The following FYB1 variants were observed in gnomAD, a reference collection of about 807,000 sequenced individuals.
The protein encoded by FYB1 is FYN binding protein 1.
FYB1 carries 41 observed loss-of-function variants against 94.1 expected under a neutral mutation model. The observed-to-expected ratio is 0.44, with a 90% confidence interval of 0.34 to 0.57. The LOEUF is 0.57. Ranked by LOEUF, FYB1 falls within the 20% of genes least tolerant of loss-of-function variation. FYB1 has a pLI of 0.02. For synonymous variants in FYB1, 367 were observed against 353.2 expected (o/e 1.04, Z -0.44); for missense variants, 1,050 against 976.8 (o/e 1.07, Z -1.00).
rs193209674 is a variant in FYB1 at position 39,242,668 on chromosome 5, C to T, written c.-28+31735G>A. Among the ~76,000 whole-genome samples, 1,166 of 152,198 alleles carry T rather than the reference C, an allele frequency of 7.7e-3. 25 individuals are homozygous for T. Among genetic ancestry groups the T allele is most frequent in the African/African-American group, 0.027 (1,106 of 41,494 alleles). ...GGGTATATACCCAGTAATGGGATGG[C>T]TGGGTCAAATGGTATTTCCAGTTCT... On this transcript the variant is annotated intron_variant, in intron 1 of 1. Transcript: ENST00000510188.
intron 1 of FYB1, chr5:39,269,888 T>C (rs529972983): frequency 5.9e-5 from 9 of 152,158 alleles, no homozygotes; most frequent in African/African-American, 1.9e-4. Context: ...GAACACCACA[T>C]ATATTTTGGG....
rs7725991 is a variant in FYB1, at chr5:39,137,851, G to T, written c.1395-131C>A. 0.011 allele frequency: 13,665 copies of T among 1,224,046 alleles called. 1,199 individuals carry two copies. The African/African-American group carries it at 0.19, about 17-fold the overall frequency. The allele number at this position is 1,224,046 out of a possible 1,614,324, so 75.8% of individuals were successfully genotyped here. On this transcript the variant is annotated intron_variant, in intron 6 of 18. Coordinates refer to ENST00000512982, the MANE Select transcript of FYB1 (RefSeq NM_001465.6). ...TACAGTTGAAGGTAAAAAGCGAAAGGTTGTCAAAATCCGGAATGTGTGAGA... is the reference window on the plus strand; with the variant it reads ...TACAGTTGAAGGTAAAAAGCGAAAGTTTGTCAAAATCCGGAATGTGTGAGA...
chr5:39,181,056 T>C (rs1183003141), intron 2 of FYB1, among the ~76,000 whole-genome samples: 3 of 152,122 alleles, frequency 2.0e-5, no homozygotes, highest in Non-Finnish European at 2.9e-5. Context: ...ACAGGGAAAC[T>C]TGGGGAAGAG....
At chr5:39,237,067 A>G (rs1750996420) in intron 1 of FYB1, among the ~76,000 whole-genome samples, 1 of 152,142 alleles carries the variant, frequency 6.6e-6, no homozygotes. Flanking sequence ...TGAAGGAAAT[A>G]GTAGAAAGCA....
chr5:39,247,345 T>C (rs1482200185), intron 1 of FYB1, among the ~76,000 whole-genome samples: 1 of 151,806 alleles, frequency 6.6e-6, no homozygotes, highest in Non-Finnish European at 1.5e-5. Context: ...AATTGTAACA[T>C]ACGGGGTATA....
At chr5:39,155,263 T>A (rs1743644063) in intron 2 of FYB1, among the ~76,000 whole-genome samples, 1 of 152,238 alleles carries the variant, frequency 6.6e-6, no homozygotes. Context: ...TTGCCCTCTC[T>A]CTTCATTCTC....
chr5:39,231,090 G>A (rs1325439415), intron 1 of FYB1, among the ~76,000 whole-genome samples: 1 of 138,516 alleles, frequency 7.2e-6, no homozygotes, highest in African/African-American at 2.8e-5. Context: ...TATTAATCAA[G>A]ACATATTTAT....
At chr5:39,163,593 T>C (rs1258193558) in intron 2 of FYB1, among the ~76,000 whole-genome samples, 1 of 152,244 alleles carries the variant, frequency 6.6e-6, no homozygotes, top group Non-Finnish European at 1.5e-5. Context: ...TATTCAATTA[T>C]ATGTAATCAT....
At chr5:39,180,663 C>T (rs1189880120) in intron 2 of FYB1, among the ~76,000 whole-genome samples, 2 of 152,204 alleles carry the variant, frequency 1.3e-5, no homozygotes, top group Non-Finnish European at 2.9e-5. Flanking sequence ...GTTGCTGCTG[C>T]CTCCACGAAG....
intron 1 of FYB1, among the ~76,000 whole-genome samples, chr5:39,213,379 CA>C (rs1322938408): frequency 2.0e-5 from 3 of 152,130 alleles, no homozygotes; most frequent in African/African-American, 7.2e-5. Context: ...AACTTTTTAG[CA>C]GTTTCTTATT....
At position 39,256,048 on chromosome 5, in the gene FYB1, T is replaced by C. The variant is rs150573330; in HGVS notation, c.-28+18355A>G. ...ATAGTAAGTGCTCCGTTAAATAGAA[T>C]CTTTCTTTAATTACAAGTATTTATG... On this transcript the variant is annotated intron_variant, in intron 1 of 1. Transcript: ENST00000510188. 3.3e-5 allele frequency among the ~76,000 whole-genome samples: 5 copies of C among 152,328 alleles called. No homozygotes were observed. In the East Asian group the frequency reaches 7.7e-4, roughly 24 times the overall value.
chr5:39,136,226 C>T (rs911500973), intron 7 of FYB1, among the ~76,000 whole-genome samples: 1 of 151,894 alleles, frequency 6.6e-6, no homozygotes, highest in Non-Finnish European at 1.5e-5. Flanking sequence ...CCCGCCACCA[C>T]GCCTGGCCAG....
upstream of FYB1, among the ~76,000 whole-genome samples, chr5:39,221,521 AT>A: frequency 6.6e-6 from 1 of 152,360 alleles, no homozygotes; most frequent in Middle Eastern, 3.4e-3. Context: ...CAAAGTATGA[AT>A]AAAGGCATCT....
upstream of FYB1, among the ~76,000 whole-genome samples, chr5:39,221,920 G>A (rs1046812558): frequency 2.0e-5 from 3 of 152,024 alleles, no homozygotes; most frequent in African/African-American, 7.3e-5. Flanking sequence ...AGAATTGCTG[G>A]AACAAAGGAG....
At chr5:39,217,469 TA>T (rs1446324149) in intron 1 of FYB1, among the ~76,000 whole-genome samples, 1 of 152,166 alleles carries the variant, frequency 6.6e-6, no homozygotes, top group Admixed American at 6.5e-5. Context: ...AGCTTGCTCT[TA>T]AAAAACAGTC....
At chr5:39,169,852 A>G in intron 2 of FYB1, 1 of 539,810 alleles carries the variant, frequency 1.9e-6, no homozygotes, top group Admixed American at 2.5e-5. Flanking sequence ...CACAGAACTA[A>G]CACTTGACGT....
intron 1 of FYB1, among the ~76,000 whole-genome samples, chr5:39,204,316 A>C (rs1748651128): frequency 6.6e-6 from 1 of 152,182 alleles, no homozygotes; most frequent in South Asian, 2.1e-4. Flanking sequence ...TAAAAGAATG[A>C]CATTATTTAA....
intron 17 of FYB1, among the ~76,000 whole-genome samples, chr5:39,108,727 CATATA>C (rs1284084647): frequency 1.3e-5 from 2 of 151,990 alleles, no homozygotes; most frequent in East Asian, 1.9e-4. Flanking sequence ...ATAACTCATA[CATATA>C]ATAAAATATA....
chr5:39,176,706 A>C (rs1323706398), intron 2 of FYB1, among the ~76,000 whole-genome samples: 2 of 152,256 alleles, frequency 1.3e-5, no homozygotes, highest in African/African-American at 4.8e-5. Context: ...AAAGGAAACA[A>C]AGACGAAAAC....
Sources: allele counts gnomAD v4.1 joint callset (sites outside exome capture counted in the v4.1 genomes callset), GRCh38; gene constraint gnomAD v4.1.1; transcripts MANE v1.5; gene names NCBI Gene and HGNC (gene_info 2026-07-23, HGNC 2026-07-21).